Variants in SSBP2 observed in about 807,000 individuals in gnomAD.
The protein encoded by SSBP2 is single stranded DNA binding protein 2, also known as single-stranded DNA-binding protein 2.
In SSBP2, 17 loss-of-function variants were observed where a neutral mutation model predicts 61.8. The ratio of observed to expected loss-of-function variants is 0.28; its 90% CI spans 0.19 to 0.41. SSBP2 has a LOEUF of 0.41. Among genes scored for constraint, SSBP2 ranks in the 10% least tolerant of loss-of-function variants. The pLI is 1.00. For synonymous variants in SSBP2, 139 were observed against 141.3 expected (o/e 0.98, Z 0.12); for missense variants, 310 against 458.7 (o/e 0.68, Z 2.96).
chr5:81,523,561 T>C (rs1769666697), intron 4 of SSBP2, among the ~76,000 whole-genome samples: 1 of 151,946 alleles, frequency 6.6e-6, no homozygotes, highest in African/African-American at 2.4e-5. Flanking sequence ...TCAAAATGAG[T>C]TATTAAAAAA....
chr5:81,638,513 C>T (rs1442686917), intron 2 of SSBP2, among the ~76,000 whole-genome samples: 4 of 150,356 alleles, frequency 2.7e-5, no homozygotes, highest in African/African-American at 7.4e-5. Context: ...AGCAAGACTC[C>T]GTCTCAGAGG....
chr5:81,636,661 T>C, intron 2 of SSBP2, 43 bp from the exon 3 acceptor site: 2 of 1,404,630 alleles, frequency 1.4e-6, no homozygotes, highest in Non-Finnish European at 2.0e-6. Flanking sequence ...ATAATACTTT[T>C]TTCCACACAT....
At chr5:81,664,654 C>T (rs1038104228) in intron 1 of SSBP2, among the ~76,000 whole-genome samples, 1 of 152,082 alleles carries the variant, frequency 6.6e-6, no homozygotes, top group Non-Finnish European at 1.5e-5. Flanking sequence ...CCATACTGTT[C>T]GACAACATGG....
intron 10 of SSBP2, among the ~76,000 whole-genome samples, chr5:81,456,389 G>A (rs1385017347): frequency 6.7e-6 from 1 of 149,824 alleles, no homozygotes; most frequent in Non-Finnish European, 1.5e-5. Context: ...TGGGACTCAG[G>A]ATGACATAAT....
At chr5:81,430,790 T>C (rs553918724) in intron 15 of SSBP2, among the ~76,000 whole-genome samples, 14 of 152,270 alleles carry the variant, frequency 9.2e-5, no homozygotes, top group African/African-American at 3.4e-4. Context: ...AAAGGATACA[T>C]TCAACATACA....
chr5:81,577,813 C>T (rs1486399387), intron 4 of SSBP2, among the ~76,000 whole-genome samples: 1 of 151,812 alleles, frequency 6.6e-6, no homozygotes, highest in Non-Finnish European at 1.5e-5. Flanking sequence ...TTAACCTTCA[C>T]AATGTGATAC....
chr5:81,413,333 T>C lies in SSBP2; in HGVS notation c.*7171A>G, dbSNP rs1761204884. On this transcript the variant is annotated 3_prime_UTR_variant, in exon 17 of 17. Transcript: ENST00000320672. Reference sequence around the variant, plus strand: ...CGAACACACATACACAGATGCTAAATTTACAAAATGTGTCAGGTAGCTGGT... The same window carrying C: ...CGAACACACATACACAGATGCTAAACTTACAAAATGTGTCAGGTAGCTGGT... 1 of 152,162 alleles carries C rather than the reference T, an allele frequency of 6.6e-6. No individual in the cohort carries two copies. The highest frequency in any genetic ancestry group is 1.9e-4 in the East Asian group (1 of 5,200). The allele number at this position is 152,162 out of a possible 1,614,324, so 9.4% of individuals were successfully genotyped here.
intron 1 of SSBP2, among the ~76,000 whole-genome samples, chr5:81,678,917 A>G (rs1264407609): frequency 1.3e-5 from 2 of 152,230 alleles, no homozygotes; most frequent in African/African-American, 2.4e-5. Flanking sequence ...TTTTTCAGAG[A>G]TAAAGAAATT....
intron 12 of SSBP2, 134 bp from the exon 13 acceptor site, chr5:81,442,857 CTAAAAA>C (rs1404463944): frequency 2.3e-6 from 1 of 436,622 alleles, no homozygotes; most frequent in African/African-American, 2.1e-5. Context: ...ATTGTCATTA[CTAAAAA>C]TAAATACCCA....
intron 1 of SSBP2, among the ~76,000 whole-genome samples, chr5:81,690,038 G>T (rs1296390386): frequency 6.6e-6 from 1 of 151,828 alleles, no homozygotes; most frequent in Non-Finnish European, 1.5e-5. Flanking sequence ...TAAAAATAAT[G>T]GGTTATAAGA....
At chr5:81,666,901 C>T (rs1751180733) in intron 1 of SSBP2, among the ~76,000 whole-genome samples, 1 of 152,154 alleles carries the variant, frequency 6.6e-6, no homozygotes. Flanking sequence ...TACTTGTTGA[C>T]TAACCTTGGA....
intron 1 of SSBP2, among the ~76,000 whole-genome samples, chr5:81,685,190 T>G (rs1004445278): frequency 3.9e-5 from 6 of 152,166 alleles, no homozygotes; most frequent in Non-Finnish European, 7.4e-5. Context: ...TCCTGTTAAG[T>G]CTGCAGATCT....
chr5:81,722,393 TTTTG>T (rs1414025990), intron 1 of SSBP2, among the ~76,000 whole-genome samples: 1 of 127,834 alleles, frequency 7.8e-6, no homozygotes, highest in African/African-American at 2.5e-5. Context: ...TTCAGTATAA[TTTTG>T]TTTTTTTTTT....
chr5:81,656,325 C>T (rs758531071), intron 1 of SSBP2, among the ~76,000 whole-genome samples: 5 of 152,112 alleles, frequency 3.3e-5, no homozygotes, highest in Non-Finnish European at 7.3e-5. Context: ...GCTGGGATTA[C>T]AGGCATGAGC....
At chr5:81,488,408 G>C (rs1766594372) in intron 6 of SSBP2, among the ~76,000 whole-genome samples, 1 of 151,780 alleles carries the variant, frequency 6.6e-6, no homozygotes, top group Non-Finnish European at 1.5e-5. Flanking sequence ...TTTGATAATA[G>C]CCATCCTTAC....
At chr5:81,590,272 T>C (rs1176963824) in intron 4 of SSBP2, among the ~76,000 whole-genome samples, 1 of 152,142 alleles carries the variant, frequency 6.6e-6, no homozygotes, top group Non-Finnish European at 1.5e-5. Flanking sequence ...ACCAAGTAAG[T>C]AACATATGCA....
At chr5:81,481,968 G>T (rs1378571923) in intron 6 of SSBP2, among the ~76,000 whole-genome samples, 2 of 151,760 alleles carry the variant, frequency 1.3e-5, no homozygotes, top group Non-Finnish European at 1.5e-5. Flanking sequence ...TTGAGACAGG[G>T]TCTCCCTCTG....
intron 4 of SSBP2, among the ~76,000 whole-genome samples, chr5:81,569,973 T>TAAAA (rs1773716218): frequency 6.6e-6 from 1 of 152,166 alleles, no homozygotes; most frequent in Non-Finnish European, 1.5e-5. Context: ...GCTAGTTTTA[T>TAAAA]CTTACTTTAA....
chr5:81,499,903 A>G (rs1005894769), intron 5 of SSBP2, among the ~76,000 whole-genome samples: 1 of 152,168 alleles, frequency 6.6e-6, no homozygotes, highest in Non-Finnish European at 1.5e-5. Flanking sequence ...TAAATGTAAC[A>G]CTGCAAAAAA....
Sources: allele counts gnomAD v4.1 joint callset (sites outside exome capture counted in the v4.1 genomes callset), GRCh38; gene constraint gnomAD v4.1.1; transcripts MANE v1.5; gene names NCBI Gene and HGNC (gene_info 2026-07-23, HGNC 2026-07-21).